Variants in WSCD2 observed in about 807,000 individuals in gnomAD.
WSCD2 encodes sialate:O-sulfotransferase 2.
A neutral mutation model predicts 55.7 loss-of-function variants in WSCD2; 28 were observed. The observed-to-expected ratio is 0.50, with a 90% CI of 0.37 to 0.69. The LOEUF (loss-of-function observed/expected upper bound fraction) is 0.69. Among genes scored for constraint, WSCD2 ranks in the 30% least tolerant of loss-of-function variants. The probability of loss-of-function intolerance (pLI) is 0.00; values close to 1 mark genes in which losing one functional copy is unlikely to be tolerated. For synonymous variants in WSCD2, 301 were observed against 301.9 expected, an observed-to-expected ratio of 1.00 and a Z score of 0.03; for missense variants, 616 against 762.1, an observed-to-expected ratio of 0.81 and a Z score of 2.26.
intron 8 of WSCD2, among the ~76,000 whole-genome samples, 175 bp downstream of exon 8, chr12:108,240,719 G>A (rs909317466): frequency 1.3e-5 from 2 of 152,176 alleles, no homozygotes; most frequent in Admixed American, 6.5e-5. Flanking sequence ...TTCCAGTAGA[G>A]TAGGTGCCTC....
chr12:108,243,436 A>G (rs767157486), intron 8 of WSCD2, among the ~76,000 whole-genome samples: 42 of 152,038 alleles, frequency 2.8e-4, no homozygotes, highest in Non-Finnish European at 5.3e-4. Flanking sequence ...ACAGGGTTTC[A>G]CCGTGTTAGC....
intron 1 of WSCD2, among the ~76,000 whole-genome samples, chr12:108,163,850 T>A (rs1183413293): frequency 6.6e-6 from 1 of 151,290 alleles, no homozygotes. Flanking sequence ...AGAATGAACT[T>A]ATGTTTTTTT....
chr12:108,239,712 CTTCTT>C (rs1030792017), intron 7 of WSCD2, among the ~76,000 whole-genome samples: 10 of 152,106 alleles, frequency 6.6e-5, no homozygotes, highest in Non-Finnish European at 1.3e-4. Context: ...AGCCTTTTCT[CTTCTT>C]TTCTTTTTTT....
intron 1 of WSCD2, among the ~76,000 whole-genome samples, chr12:108,136,630 C>T (rs1876252245): frequency 6.6e-6 from 1 of 152,138 alleles, no homozygotes; most frequent in Non-Finnish European, 1.5e-5. Context: ...CCACTTGACC[C>T]ATGTGGACAC....
chr12:108,225,672 T>A (rs1888002571), intron 5 of WSCD2, among the ~76,000 whole-genome samples: 1 of 152,176 alleles, frequency 6.6e-6, no homozygotes, highest in Non-Finnish European at 1.5e-5. Context: ...AGGAGCTAGA[T>A]GTCTGACTGT....
intron 1 of WSCD2, among the ~76,000 whole-genome samples, chr12:108,153,717 G>A (rs1021217391): frequency 2.0e-5 from 3 of 152,212 alleles, no homozygotes; most frequent in Non-Finnish European, 2.9e-5. Context: ...CACAGAGGGA[G>A]AGGTGATGGG....
chr12:108,219,164 C>T (rs1431486551), intron 4 of WSCD2, among the ~76,000 whole-genome samples: 2 of 152,170 alleles, frequency 1.3e-5, no homozygotes, highest in African/African-American at 2.4e-5. Context: ...ATTGTCTCCA[C>T]GTGCATAAAC....
At chr12:108,246,128 C>T (rs562975291) in intron 8 of WSCD2, among the ~76,000 whole-genome samples, 29 of 152,378 alleles carry the variant, frequency 1.9e-4, no homozygotes, top group Admixed American at 4.6e-4. Flanking sequence ...CTGATCTGGA[C>T]GGTCCTTCCT....
chr12:108,169,024 T>G (rs1230557757), intron 1 of WSCD2, among the ~76,000 whole-genome samples: 1 of 152,180 alleles, frequency 6.6e-6, no homozygotes, highest in African/African-American at 2.4e-5. Context: ...CTGCCTCCTG[T>G]CAGATCAGTG....
intron 1 of WSCD2, among the ~76,000 whole-genome samples, chr12:108,181,184 G>A (rs1881695715): frequency 6.6e-6 from 1 of 152,204 alleles, no homozygotes; most frequent in South Asian, 2.1e-4. Context: ...GCCGTCAGCA[G>A]CCTATTCCAA....
intron 1 of WSCD2, among the ~76,000 whole-genome samples, chr12:108,135,619 G>T (rs1256781029): frequency 6.6e-6 from 1 of 152,196 alleles, no homozygotes; most frequent in Non-Finnish European, 1.5e-5. Flanking sequence ...CAGATAGGGT[G>T]ACCAATCATC....
intron 1 of WSCD2, among the ~76,000 whole-genome samples, chr12:108,164,853 A>C (rs1371457715): frequency 2.6e-5 from 4 of 152,180 alleles, no homozygotes; most frequent in Non-Finnish European, 5.9e-5. Flanking sequence ...GGAAAGCCTC[A>C]TCTGACCTGA....
chr12:108,163,104 A>C (rs1001940614), intron 1 of WSCD2, among the ~76,000 whole-genome samples: 1 of 152,226 alleles, frequency 6.6e-6, no homozygotes. Context: ...ACCACTAATA[A>C]GTAGTATTTG....
chr12:108,218,465 C>T (rs1887103469), intron 4 of WSCD2, among the ~76,000 whole-genome samples: 1 of 152,124 alleles, frequency 6.6e-6, no homozygotes, highest in Non-Finnish European at 1.5e-5. Context: ...TAGGATGGGT[C>T]CCCTGAAGCT....
At chr12:108,131,526 CTG>C (rs1289266809) in intron 1 of WSCD2, among the ~76,000 whole-genome samples, 1 of 152,222 alleles carries the variant, frequency 6.6e-6, no homozygotes, top group East Asian at 1.9e-4. Context: ...AGAGGACTAA[CTG>C]AGATGGTGCC....
At chr12:108,176,584 A>T (rs1464365835) in intron 1 of WSCD2, among the ~76,000 whole-genome samples, 1 of 152,256 alleles carries the variant, frequency 6.6e-6, no homozygotes, top group Non-Finnish European at 1.5e-5. Flanking sequence ...ATTTTTGGCA[A>T]TTACAAATAA....
chr12:108,147,661 G>C (rs773126365), intron 1 of WSCD2, among the ~76,000 whole-genome samples: 4 of 152,004 alleles, frequency 2.6e-5, no homozygotes, highest in Non-Finnish European at 5.9e-5. Context: ...CTAATTGCTT[G>C]AGCTCAAAAG....
intron 2 of WSCD2, among the ~76,000 whole-genome samples, chr12:108,201,666 G>T (rs1243160888): frequency 6.6e-6 from 1 of 152,112 alleles, no homozygotes; most frequent in Non-Finnish European, 1.5e-5. Flanking sequence ...ACCCAGATCT[G>T]GTTAGATCTG....
chr12:108,132,880 C>A (rs1255161042), intron 1 of WSCD2, among the ~76,000 whole-genome samples: 1 of 152,004 alleles, frequency 6.6e-6, no homozygotes, highest in Non-Finnish European at 1.5e-5. Flanking sequence ...TTTAATGTAC[C>A]TTTGTGTGTG....
Sources: gnomAD v4.1 joint callset for allele counts (sites outside exome capture counted in the v4.1 genomes callset) on GRCh38, gnomAD v4.1.1 for gene constraint, MANE v1.5 for transcripts, NCBI Gene and HGNC (gene_info 2026-07-23, HGNC 2026-07-21) for gene names.